Variants in NLRC5 observed in about 807,000 individuals in gnomAD.
NLRC5 encodes protein NLRC5.
A neutral mutation model predicts 206.9 loss-of-function variants in NLRC5; 114 were observed. That is an observed-to-expected ratio of 0.55 (90% CI 0.47 to 0.64). The LOEUF is 0.64. NLRC5 is among the 30% of genes least tolerant of loss of function. The pLI is 0.00. For missense variants in NLRC5, 2,008 were observed against 2,305.5 expected (o/e 0.87, Z 2.64); for synonymous variants, 952 against 962.8 (o/e 0.99, Z 0.21).
At chr16:57,070,093 G>A (rs1467202900) in intron 37 of NLRC5, among the ~76,000 whole-genome samples, 174 bp downstream of exon 37, 6 of 152,204 alleles carry the variant, frequency 3.9e-5, no homozygotes, top group African/African-American at 1.2e-4. Flanking sequence ...CCACAGTTTT[G>A]GTCTGAATTT....
chr16:57,053,456 G>A (rs1361351169), intron 24 of NLRC5, among the ~76,000 whole-genome samples: 1 of 152,150 alleles, frequency 6.6e-6, no homozygotes, highest in Non-Finnish European at 1.5e-5. Flanking sequence ...GGTTGCATGG[G>A]GCCTGGCACC....
intron 41 of NLRC5, 71 bp downstream of exon 41, chr16:57,077,450 C>T (rs2068538524): frequency 1.4e-6 from 2 of 1,389,440 alleles, no homozygotes; most frequent in Non-Finnish European, 2.0e-6. Flanking sequence ...TGGCCCCTAG[C>T]TGAGGCCAGC....
chr16:57,059,902 A>G (rs1383495352), intron 30 of NLRC5, among the ~76,000 whole-genome samples: 1 of 152,134 alleles, frequency 6.6e-6, no homozygotes, highest in African/African-American at 2.4e-5. Context: ...CTGGACAAGT[A>G]AAATGGGGAT....
chr16:57,021,986 C>T (rs78409059), intron 3 of NLRC5, among the ~76,000 whole-genome samples: 3,149 of 152,342 alleles, frequency 0.021, 195 homozygotes, highest in East Asian at 0.15. Flanking sequence ...CACATGCATG[C>T]AAGTGTGCCC....
In NLRC5 at chr16:57,067,529, C is replaced by T. The variant is rs2067200963; in HGVS notation, c.4406+59C>T. ...GTTCTCTGGTTGACCCTGGTACCTA[C>T]TCCAGGCCATGTGTGACCCTGGCAT... On this transcript the variant is annotated intron_variant, in intron 35 of 48. Coordinates refer to ENST00000688547, the MANE Select transcript of NLRC5 (RefSeq NM_001384950.1). The T allele has an allele frequency of 4.6e-6, 7 of 1,514,950 alleles. No individual in the cohort carries two copies. The South Asian group carries it at 6.7e-5, about 15-fold the overall frequency. The allele number at this position is 1,514,950 out of a possible 1,614,324, so 93.8% of individuals were successfully genotyped here.
chr16:57,030,970 C>T (rs1425627435), intron 10 of NLRC5, among the ~76,000 whole-genome samples: 2 of 152,072 alleles, frequency 1.3e-5, no homozygotes, highest in African/African-American at 4.8e-5. Flanking sequence ...CATGGTGGTG[C>T]ATGCCTGTGG....
intron 38 of NLRC5, among the ~76,000 whole-genome samples, chr16:57,071,779 T>G: frequency 1.6e-5 from 2 of 124,266 alleles, no homozygotes; most frequent in Admixed American, 8.3e-5. Context: ...GAGTGAGTGG[T>G]GGGGTTGGTT....
chr16:56,997,444 C>T lies in NLRC5; in HGVS notation c.-128+7827C>T, dbSNP rs1213118769. On this transcript the variant is annotated intron_variant, in intron 1 of 48. Coordinates refer to ENST00000688547, the MANE Select transcript of NLRC5 (RefSeq NM_001384950.1). ...TCCTGTGAAGTAAATGTAAAATCAC[C>T]ACCCAGATGAGGAAAACAGTGGCAC... is the stretch of plus-strand genomic sequence containing the variant. 5.9e-5 allele frequency among the ~76,000 whole-genome samples: 9 copies of T among 152,232 alleles called. No individual in the cohort carries two copies. The South Asian group carries it at 1.9e-3, about 32-fold the overall frequency.
At chr16:57,055,788 T>C (rs1597381534) in intron 27 of NLRC5, among the ~76,000 whole-genome samples, 1 of 152,320 alleles carries the variant, frequency 6.6e-6, no homozygotes, top group South Asian at 2.1e-4. Context: ...GTGCAAGCTC[T>C]GCTGGCAGAT....
chr16:57,015,641 A>C (rs1308473539), intron 1 of NLRC5, among the ~76,000 whole-genome samples: 1 of 151,320 alleles, frequency 6.6e-6, no homozygotes, highest in African/African-American at 2.4e-5. Context: ...TAAATAAAGG[A>C]AAGAGGCTGG....
At chr16:57,077,090 T>C (rs41383) in intron 40 of NLRC5, among the ~76,000 whole-genome samples, 188 bp downstream of exon 40, 67,609 of 152,104 alleles carry the variant, frequency 0.44, 16,720 homozygotes, top group East Asian at 0.63. Flanking sequence ...GTGTCAATTG[T>C]AGCAAGAGGG....
At position 57,026,735 on chromosome 16, in the gene NLRC5, G is replaced by T; in HGVS notation, c.1792G>T (p.Val598Leu). The T allele has an allele frequency of 1.2e-6, 2 of 1,614,052 alleles. No homozygotes were observed. The highest frequency in any genetic ancestry group is 2.7e-5 in the African/African-American group (2 of 75,074). Residue 598 changes from valine (V) to leucine (L), a missense_variant, in exon 6 of 49, where the codon GTG (valine) becomes TTG (leucine). By Grantham distance (32) the Val-to-Leu change is conservative. Transcript: ENST00000688547. ...VGAKQAAVVQ[V>L]LKKLATRKLT... Reference sequence around the variant, plus strand: ...TGCCAAGCAGGCTGCTGTAGTGCAGGTGTTGAAGAAGTTGGCCACCCGCAA... The same window carrying T: ...TGCCAAGCAGGCTGCTGTAGTGCAGTTGTTGAAGAAGTTGGCCACCCGCAA...
chr16:57,030,614 A>AGATG (rs66917392), intron 10 of NLRC5, among the ~76,000 whole-genome samples: 2,900 of 141,208 alleles, frequency 0.021, 33 homozygotes, highest in East Asian at 0.071. Context: ...GTGTGTGAAA[A>AGATG]GATGGATGGA....
At position 57,061,621 on chromosome 16, in the gene NLRC5, GA is replaced by G; in HGVS notation, c.4075del (p.Thr1359ProfsTer14). On this transcript the variant is annotated frameshift_variant, in exon 32 of 49. Coordinates refer to ENST00000688547, the MANE Select transcript of NLRC5 (RefSeq NM_001384950.1). LOFTEE classifies it high-confidence loss of function. Reference sequence around the variant, plus strand: ...AGTGACTGACCTCTGTCTCCAGGCTGACCCAGTGCTGCCTGGGCCAGAAGCA... The same window carrying G: ...AGTGACTGACCTCTGTCTCCAGGCTGCCCAGTGCTGCCTGGGCCAGAAGCA... ...KSLQLTELTL[T>X]QCCLGQKQLA... 6.2e-7 allele frequency: 1 copy of G among 1,610,300 alleles called. No homozygotes were observed. Among genetic ancestry groups the G allele is most frequent in the Non-Finnish European group, 8.5e-7 (1 of 1,179,312 alleles).
At chr16:57,064,386 T>C (rs1256097072) in intron 32 of NLRC5, among the ~76,000 whole-genome samples, 4 of 152,324 alleles carry the variant, frequency 2.6e-5, no homozygotes, top group African/African-American at 9.6e-5. Flanking sequence ...TTAGAAAATA[T>C]AGAAAATTAA....
Position 57,021,427 on chromosome 16 carries a change from T to C in NLRC5, c.295+420T>C, listed in dbSNP as rs567013154. Among the ~76,000 whole-genome samples the C allele has an allele frequency of 2.6e-5, 4 of 152,260 alleles. No homozygotes were observed. In the East Asian group the frequency reaches 7.7e-4, roughly 29 times the overall value. ...AGGCTGGAGTGCAGTGGCACAATCA[T>C]AGCTCACTACAGCATCCAACTCCAG... On this transcript the variant is annotated intron_variant, in intron 3 of 48. Transcript: ENST00000688547.
chr16:57,058,298 C>T, intron 28 of NLRC5, 150 bp downstream of exon 28: 1 of 643,890 alleles, frequency 1.6e-6, no homozygotes, highest in South Asian at 1.8e-5. Flanking sequence ...CTTGCCTTCA[C>T]TCCCCTGGCC....
chr16:57,000,861 G>C (rs373615145), intron 1 of NLRC5, among the ~76,000 whole-genome samples: 3 of 152,174 alleles, frequency 2.0e-5, no homozygotes, highest in East Asian at 3.8e-4. Flanking sequence ...CCTGAAAGGA[G>C]GGTGACGCCT....
intron 42 of NLRC5, 41 bp downstream of exon 42, chr16:57,077,843 C>CA: frequency 6.3e-7 from 1 of 1,588,972 alleles, no homozygotes; most frequent in Non-Finnish European, 8.6e-7. Flanking sequence ...CTGTGCCCCC[C>CA]AGGTCCACCT....
Sources: allele counts gnomAD v4.1 joint callset (sites outside exome capture counted in the v4.1 genomes callset), GRCh38; gene constraint gnomAD v4.1.1; transcripts MANE v1.5; gene names NCBI Gene and HGNC (gene_info 2026-07-23, HGNC 2026-07-21).